The following PCDH11X variants were observed in gnomAD, a reference collection of about 807,000 sequenced individuals.
PCDH11X encodes protocadherin-11 X-linked.
A neutral mutation model predicts 53.3 loss-of-function variants in PCDH11X; 18 were observed. That is an observed-to-expected ratio of 0.34 (90% CI 0.23 to 0.50). The LOEUF (loss-of-function observed/expected upper bound fraction) is 0.50. Ranked by LOEUF, PCDH11X falls within the 20% of genes least tolerant of loss-of-function variation. PCDH11X has a pLI of 0.98. For synonymous variants in PCDH11X, 279 were observed against 393.3 expected (o/e 0.71, Z 3.44); for missense variants, 570 against 1,032.4 (o/e 0.55, Z 6.14).
intron 9 of PCDH11X, among the ~76,000 whole-genome samples, chrX:92,444,988 G>T (rs1434628903): frequency 1.0e-5 from 1 of 96,207 alleles, no homozygotes; most frequent in Non-Finnish European, 2.1e-5. Flanking sequence ...TTTCATGTCT[G>T]TGTTTATCAA....
chrX:92,123,601 T>A (rs2064809885), intron 6 of PCDH11X, among the ~76,000 whole-genome samples: 1 of 104,999 alleles, frequency 9.5e-6, no homozygotes, highest in Non-Finnish European at 1.9e-5. Flanking sequence ...CCAACCTAGA[T>A]TCAGTCCCTC....
chrX:92,130,403 A>T (rs1246978429), intron 6 of PCDH11X, among the ~76,000 whole-genome samples: 1 of 110,690 alleles, frequency 9.0e-6, no homozygotes, highest in South Asian at 3.8e-4. Context: ...TCATGCCAGC[A>T]CTTTGGGAGG....
intron 4 of PCDH11X, among the ~76,000 whole-genome samples, chrX:91,825,962 A>T (rs1936909433): frequency 9.2e-6 from 1 of 108,524 alleles, no homozygotes; most frequent in Non-Finnish European, 1.9e-5. Flanking sequence ...TTGTCTTGAG[A>T]AACGTCTAAT....
intron 8 of PCDH11X, among the ~76,000 whole-genome samples, chrX:92,327,326 T>TA (rs4021166): frequency 6.6e-4 from 56 of 84,950 alleles, no homozygotes; most frequent in Non-Finnish European, 9.6e-4. Context: ...AATGATGCTT[T>TA]AAAAAAAAAA....
chrX:92,271,181 G>A (rs944006428), intron 8 of PCDH11X, among the ~76,000 whole-genome samples: 1 of 111,829 alleles, frequency 8.9e-6, no homozygotes, highest in African/African-American at 3.3e-5. Context: ...GTGCAGGGAG[G>A]GAACACCCTT....
At chrX:92,103,492 C>T (rs35225467) in intron 6 of PCDH11X, among the ~76,000 whole-genome samples, 8 of 111,475 alleles carry the variant, frequency 7.2e-5, no homozygotes, top group Non-Finnish European at 1.3e-4. Context: ...CTGAGGCGAT[C>T]GGGCAGCATC....
chrX:92,093,301 G>C (rs925417445), intron 6 of PCDH11X, among the ~76,000 whole-genome samples: 5 of 111,357 alleles, frequency 4.5e-5, no homozygotes, highest in Non-Finnish European at 9.4e-5. Context: ...GAATATACTC[G>C]AGAATGTATT....
intron 8 of PCDH11X, among the ~76,000 whole-genome samples, chrX:92,275,279 G>C (rs1028893232): frequency 8.7e-5 from 9 of 103,778 alleles, no homozygotes; most frequent in South Asian, 4.4e-4. Flanking sequence ...GGAAGGAAAG[G>C]GTTGTTCTTT....
At chrX:92,504,377 T>C (rs985045223) in intron 10 of PCDH11X, among the ~76,000 whole-genome samples, 1 of 109,618 alleles carries the variant, frequency 9.1e-6, no homozygotes, top group Non-Finnish European at 1.9e-5. Context: ...GGTTTCCTGT[T>C]CCTGCATTAG....
chrX:92,426,963 T>G (rs1176072149), intron 9 of PCDH11X, among the ~76,000 whole-genome samples: 1 of 110,378 alleles, frequency 9.1e-6, no homozygotes, highest in Non-Finnish European at 1.9e-5. Context: ...TTGAGAATTA[T>G]GTTAGAGAAG....
In PCDH11X at chrX:92,473,410, C is replaced by T. The variant is rs183383494; in HGVS notation, c.3367+5088C>T. Among the ~76,000 whole-genome samples the T allele has an allele frequency of 2.8e-3, 318 of 111,677 alleles. 2 individuals carry two copies. Among genetic ancestry groups the T allele is most frequent in the African/African-American group, 9.9e-3 (304 of 30,801 alleles). On this transcript the variant is annotated intron_variant, in intron 10 of 10. Coordinates refer to ENST00000682573, the MANE Select transcript of PCDH11X (RefSeq NM_032968.5). ...ATTTAACAAAACAACCTTTTTATTT[C>T]ATTGATCTTTTGTATTGATTTCTTT...
At chrX:92,094,803 T>C (rs2064108909) in intron 6 of PCDH11X, among the ~76,000 whole-genome samples, 1 of 111,987 alleles carries the variant, frequency 8.9e-6, no homozygotes. Flanking sequence ...ACTGTAGTGC[T>C]TTTTATGTAC....
chrX:92,230,935 T>C (rs1324689949), intron 7 of PCDH11X, among the ~76,000 whole-genome samples: 1 of 110,715 alleles, frequency 9.0e-6, no homozygotes, highest in African/African-American at 3.3e-5. Context: ...TAGTCACTGT[T>C]TCAGGGCCTT....
intron 6 of PCDH11X, among the ~76,000 whole-genome samples, chrX:91,927,597 A>G (rs941481988): frequency 4.5e-5 from 5 of 111,768 alleles, no homozygotes; most frequent in African/African-American, 1.6e-4. Context: ...GAGATTTTAG[A>G]CTCACGAAGC....
intron 6 of PCDH11X, among the ~76,000 whole-genome samples, chrX:92,124,460 G>T (rs1462537575): frequency 9.2e-6 from 1 of 109,194 alleles, no homozygotes; most frequent in African/African-American, 3.3e-5. Context: ...CAGGAGAATC[G>T]CTTGAACCTG....
At chrX:92,187,664 C>T (rs1391525863) in intron 6 of PCDH11X, among the ~76,000 whole-genome samples, 1 of 111,590 alleles carries the variant, frequency 9.0e-6, no homozygotes, top group Non-Finnish European at 1.9e-5. Flanking sequence ...GCTGAAATAA[C>T]AGATGGTTGA....
At chrX:92,155,651 G>C (rs1236635164) in intron 6 of PCDH11X, among the ~76,000 whole-genome samples, 4 of 88,814 alleles carry the variant, frequency 4.5e-5, no homozygotes, top group African/African-American at 1.9e-4. Context: ...TCCTGAGACA[G>C]AGTCTCGCTC....
chrX:92,015,095 C>T lies in PCDH11X; in HGVS notation c.3033+135822C>T, dbSNP rs145473611. 8.4e-3 allele frequency among the ~76,000 whole-genome samples: 942 copies of T among 111,557 alleles called. 13 individuals are homozygous for T. Among genetic ancestry groups the T allele is most frequent in the African/African-American group, 0.029 (883 of 30,675 alleles). On this transcript the variant is annotated intron_variant, in intron 6 of 10. Coordinates refer to ENST00000682573, the MANE Select transcript of PCDH11X (RefSeq NM_032968.5). ...AAAAGATATAAAATAAAATAATGTG[C>T]GTATCTTAATTTCAAAATATTTTAT... is the stretch of plus-strand genomic sequence containing the variant.
Position 92,145,366 on chromosome X carries a change from G to C in PCDH11X, c.3034-56009G>C, listed in dbSNP as rs370932119. Among the ~76,000 whole-genome samples the C allele has an allele frequency of 4.3e-4, 47 of 110,460 alleles. 1 individual carries two copies. In the East Asian group the frequency reaches 0.01, roughly 24 times the overall value. Reference sequence around the variant, plus strand: ...ATTTATTTTGCTTTGTATGGTCTGTGAGTAGAAAACTATAAGGCTTCATGG... The same window carrying C: ...ATTTATTTTGCTTTGTATGGTCTGTCAGTAGAAAACTATAAGGCTTCATGG... On this transcript the variant is annotated intron_variant, in intron 6 of 10. Coordinates refer to ENST00000682573, the MANE Select transcript of PCDH11X (RefSeq NM_032968.5).
Sources: allele counts gnomAD v4.1 joint callset (sites outside exome capture counted in the v4.1 genomes callset), GRCh38; gene constraint gnomAD v4.1.1; transcripts MANE v1.5; gene names NCBI Gene and HGNC (gene_info 2026-07-23, HGNC 2026-07-21).